The following EVI5 variants were observed in gnomAD, a reference collection of about 807,000 sequenced individuals.
The protein encoded by EVI5 is ecotropic viral integration site 5 protein homolog.
A neutral mutation model predicts 112.0 loss-of-function variants in EVI5; 73 were observed. The observed-to-expected ratio is 0.65, with a 90% CI of 0.54 to 0.79. EVI5 has a LOEUF of 0.79. Ranked by LOEUF, EVI5 falls within the 30% of genes least tolerant of loss-of-function variation. The pLI is 0.00. For missense variants in EVI5, 900 were observed against 968.8 expected (o/e 0.93, Z 0.94); for synonymous variants, 305 against 319.9 (o/e 0.95, Z 0.50).
At chr1:92,646,696 C>T (rs530236969) in intron 13 of EVI5, among the ~76,000 whole-genome samples, 2 of 152,308 alleles carry the variant, frequency 1.3e-5, no homozygotes, top group East Asian at 3.9e-4. Flanking sequence ...TTAATACCAC[C>T]TTACAAATGT....
At chr1:92,616,915 T>G (rs1426986951) in intron 16 of EVI5, among the ~76,000 whole-genome samples, 3 of 152,216 alleles carry the variant, frequency 2.0e-5, no homozygotes, top group African/African-American at 7.2e-5. Flanking sequence ...AAGTGGTATG[T>G]ACGTGATCAG....
At chr1:92,608,705 G>T (rs1158808019) in intron 16 of EVI5, among the ~76,000 whole-genome samples, 1 of 65,482 alleles carries the variant, frequency 1.5e-5, no homozygotes, top group Non-Finnish European at 2.9e-5. Flanking sequence ...CTGTCTCAGA[G>T]AAAAAAAAAG....
chr1:92,678,735 C>A (rs561833864), intron 9 of EVI5, among the ~76,000 whole-genome samples: 45 of 152,100 alleles, frequency 3.0e-4, no homozygotes, highest in African/African-American at 1.0e-3. Flanking sequence ...AATATCAATA[C>A]CAAGGTTACT....
At chr1:92,661,830 C>T (rs1213588375) in intron 13 of EVI5, among the ~76,000 whole-genome samples, 2 of 152,136 alleles carry the variant, frequency 1.3e-5, no homozygotes, top group Admixed American at 6.6e-5. Context: ...TTTGCAGTCA[C>T]TCTATTTGCC....
At chr1:92,574,322 G>A (rs1670718251) in intron 18 of EVI5, among the ~76,000 whole-genome samples, 1 of 152,126 alleles carries the variant, frequency 6.6e-6, no homozygotes, top group Admixed American at 6.5e-5. Context: ...ATGTGTATAT[G>A]GCCACAGTAG....
chr1:92,748,026 G>A (rs1014068247), intron 1 of EVI5, among the ~76,000 whole-genome samples: 3 of 152,024 alleles, frequency 2.0e-5, no homozygotes, highest in Non-Finnish European at 4.4e-5. Flanking sequence ...ACATTCTGAG[G>A]TACAAGGGTA....
intron 18 of EVI5, among the ~76,000 whole-genome samples, chr1:92,602,586 T>C (rs1184338006): frequency 6.6e-6 from 1 of 152,114 alleles, no homozygotes; most frequent in Non-Finnish European, 1.5e-5. Flanking sequence ...AAAAATTGTT[T>C]TGTAGAGACA....
chr1:92,775,890 C>T (rs1348001807), intron 1 of EVI5, among the ~76,000 whole-genome samples: 1 of 152,072 alleles, frequency 6.6e-6, no homozygotes, highest in Non-Finnish European at 1.5e-5. Flanking sequence ...AGGTGGATCA[C>T]GAGGTCAGGA....
Position 92,527,288 on chromosome 1 carries a change from G to A in EVI5, c.2167-13318C>T, listed in dbSNP as rs572574270. Among the ~76,000 whole-genome samples, 57 of 151,862 alleles carry A rather than the reference G, an allele frequency of 3.8e-4. 1 individual carries two copies. The South Asian group carries it at 5.2e-3, about 14-fold the overall frequency. ...AAATCAGCCAGGCAAGGTGGCACACGCCTGTACTCCTAGCTACTTGGTAGG... is the reference window on the plus strand; with the variant it reads ...AAATCAGCCAGGCAAGGTGGCACACACCTGTACTCCTAGCTACTTGGTAGG... On this transcript the variant is annotated intron_variant, in intron 19 of 19. Coordinates refer to ENST00000684568, the MANE Select transcript of EVI5 (RefSeq NM_001350197.2).
chr1:92,586,760 A>G (rs556960807), intron 18 of EVI5, among the ~76,000 whole-genome samples: 159 of 150,016 alleles, frequency 1.1e-3, no homozygotes, highest in Non-Finnish European at 1.7e-3. Flanking sequence ...TATTATTATT[A>G]TACTTTAAGT....
Position 92,716,315 on chromosome 1 carries a change from C to T in EVI5, c.150-11571G>A, listed in dbSNP as rs189309252. 6.3e-3 allele frequency among the ~76,000 whole-genome samples: 953 copies of T among 152,244 alleles called. 17 individuals carry two copies. The highest frequency in any genetic ancestry group is 0.027 in the Middle Eastern group (8 of 294). On this transcript the variant is annotated intron_variant, in intron 2 of 19. Transcript: ENST00000684568. ...TGTTCTGCAGCCTCTGCTGGTGATA[C>T]CCAGGCAAACAGGGTCTGGAGTGGA...
At chr1:92,667,908 C>T (rs1469838578) in intron 10 of EVI5, among the ~76,000 whole-genome samples, 2 of 152,308 alleles carry the variant, frequency 1.3e-5, no homozygotes, top group East Asian at 3.9e-4. Flanking sequence ...AGCCTCTGTG[C>T]CCGGCCTCAA....
intron 16 of EVI5, among the ~76,000 whole-genome samples, chr1:92,612,770 C>G (rs986410413): frequency 1.3e-5 from 2 of 150,334 alleles, no homozygotes; most frequent in Admixed American, 1.3e-4. Context: ...AAACCCGGAG[C>G]CTTCCAGGAG....
intron 19 of EVI5, among the ~76,000 whole-genome samples, chr1:92,547,600 C>G (rs1176227557): frequency 6.6e-6 from 1 of 151,900 alleles, no homozygotes; most frequent in Non-Finnish European, 1.5e-5. Flanking sequence ...AGACCGCTAG[C>G]AAGACTAATA....
intron 11 of EVI5, among the ~76,000 whole-genome samples, chr1:92,664,821 C>A (rs925646096): frequency 1.3e-5 from 2 of 152,098 alleles, no homozygotes; most frequent in African/African-American, 2.4e-5. Flanking sequence ...TTATTTATTT[C>A]TTGATTGTAG....
chr1:92,790,648 G>C (rs1017556179), intron 1 of EVI5, among the ~76,000 whole-genome samples: 1 of 151,752 alleles, frequency 6.6e-6, no homozygotes, highest in Non-Finnish European at 1.5e-5. Flanking sequence ...CCATGCACTG[G>C]AGTTATAAGA....
chr1:92,658,796 A>G (rs779330532), intron 13 of EVI5, among the ~76,000 whole-genome samples: 4 of 152,176 alleles, frequency 2.6e-5, no homozygotes, highest in Admixed American at 6.5e-5. Context: ...AGAAAGAACA[A>G]TACTGGAGAT....
chr1:92,635,676 C>T (rs2101906559), intron 14 of EVI5, among the ~76,000 whole-genome samples: 1 of 152,324 alleles, frequency 6.6e-6, no homozygotes, highest in South Asian at 2.1e-4. Context: ...CACTGTCCAA[C>T]AATCCCAATG....
chr1:92,513,858 T>A lies in EVI5; in HGVS notation c.2279A>T (p.Asp760Val). ...DDESFHSSDE[D>V]FIDNSLQETG... The stretch of plus-strand genomic sequence containing the variant: ...TTCCTGTAAGGAATTATCTATAAAA[T>A]CTTCATCGGAGGAATGGAATGATTC... The change falls in exon 20 of 20, where the codon GAT becomes GTT. Residue 760 changes from aspartate to valine, a missense_variant. Asp to Val is a radical substitution (Grantham distance 152). Coordinates refer to ENST00000684568, the MANE Select transcript of EVI5 (RefSeq NM_001350197.2). The A allele has an allele frequency of 6.2e-7, 1 of 1,613,592 alleles. No homozygotes were observed. Among genetic ancestry groups the A allele is most frequent in the Non-Finnish European group, 8.5e-7 (1 of 1,179,710 alleles).
Sources: gnomAD v4.1 joint callset for allele counts (sites outside exome capture counted in the v4.1 genomes callset) on GRCh38, gnomAD v4.1.1 for gene constraint, MANE v1.5 for transcripts, NCBI Gene and HGNC (gene_info 2026-07-23, HGNC 2026-07-21) for gene names.